Variants in TDRD9 observed in about 807,000 individuals in gnomAD.
The protein encoded by TDRD9 is ATP-dependent RNA helicase TDRD9.
TDRD9 carries 124 observed loss-of-function variants against 172.6 expected under a neutral mutation model. The observed-to-expected ratio is 0.72, with a 90% CI of 0.62 to 0.83. The LOEUF is 0.83. Ranked by LOEUF, TDRD9 falls within the 40% of genes least tolerant of loss-of-function variation. The pLI, the probability that TDRD9 is intolerant of heterozygous loss-of-function variation, is 0.00. For missense variants in TDRD9, 1,479 were observed against 1,714.1 expected (o/e 0.86, Z 2.42); for synonymous variants, 619 against 617.1 (o/e 1.00, Z -0.05).
At position 104,004,240 on chromosome 14, in the gene TDRD9, C is replaced by T. The variant is rs748229083; in HGVS notation, c.1486C>T (p.Arg496Cys). 10 of 1,561,448 alleles carry T rather than the reference C, an allele frequency of 6.4e-6. No individual in the cohort carries two copies. Among genetic ancestry groups the T allele is most frequent in the South Asian group, 1.2e-5 (1 of 85,096 alleles). ...GTTTGCACATCTCTCCTTTGAAGGC[C>T]GTGCTGGACGAGTGTCTAGAGGGTA... ...SKTSCNQRKG[R>C]AGRVSRGYCY... is the part of the protein sequence containing the mutation. The change falls in exon 14 of 36, where the codon CGT becomes TGT. Residue 496 changes from arginine (R) to cysteine (C), a missense_variant and splice_region_variant. Arg to Cys is a radical substitution (Grantham distance 180). Around this residue, in one of 3 missense-constraint regions of TDRD9, gnomAD observed 1,413 missense variants for 1,649.1 expected, o/e 0.86. Transcript: ENST00000409874.
At chr14:103,966,196 T>C (rs2032738630) in intron 4 of TDRD9, among the ~76,000 whole-genome samples, 2 of 151,828 alleles carry the variant, frequency 1.3e-5, no homozygotes, top group African/African-American at 4.8e-5. Flanking sequence ...CCAGGCATGA[T>C]GGCACATGCC....
At chr14:104,041,781 A>G (rs2035617937) in intron 33 of TDRD9, among the ~76,000 whole-genome samples, 1 of 152,214 alleles carries the variant, frequency 6.6e-6, no homozygotes. Flanking sequence ...AGACAGTTTC[A>G]TATGAAGTTA....
chr14:104,008,773 G>A (rs1595980805), intron 20 of TDRD9, among the ~76,000 whole-genome samples: 6 of 152,298 alleles, frequency 3.9e-5, no homozygotes, highest in South Asian at 4.1e-4. Context: ...AAGAGATTGG[G>A]TGTCGTGGCT....
intron 7 of TDRD9, among the ~76,000 whole-genome samples, chr14:103,985,615 T>A (rs2033632531): frequency 1.3e-5 from 2 of 152,118 alleles, no homozygotes; most frequent in Non-Finnish European, 2.9e-5. Context: ...AGGGGCAAGT[T>A]TACATTATCT....
chr14:103,986,824 T>C (rs2033676475), intron 8 of TDRD9, among the ~76,000 whole-genome samples: 1 of 152,174 alleles, frequency 6.6e-6, no homozygotes, highest in African/African-American at 2.4e-5. Context: ...GTTTATAATT[T>C]TAAAAATATG....
chr14:104,048,872 TC>T, intron 34 of TDRD9, among the ~76,000 whole-genome samples: 1 of 152,170 alleles, frequency 6.6e-6, no homozygotes, highest in Non-Finnish European at 1.5e-5. Flanking sequence ...TGAGGATTTT[TC>T]CCCCTCTGAT....
chr14:103,978,183 A>ATT (rs72582171), intron 7 of TDRD9, among the ~76,000 whole-genome samples: 7 of 149,518 alleles, frequency 4.7e-5, no homozygotes, highest in African/African-American at 1.5e-4. Context: ...GAATTTTAGG[A>ATT]TTTTTTTTTT....
chr14:103,958,753 CTT>C (rs2032365219), intron 2 of TDRD9, among the ~76,000 whole-genome samples: 3 of 152,214 alleles, frequency 2.0e-5, no homozygotes, highest in African/African-American at 7.2e-5. Context: ...ATGCCAACAC[CTT>C]GTCCTTCTCA....
chr14:103,964,446 A>G (rs2032645399), intron 3 of TDRD9, among the ~76,000 whole-genome samples: 1 of 152,212 alleles, frequency 6.6e-6, no homozygotes, highest in African/African-American at 2.4e-5. Flanking sequence ...GAAGCAGTTG[A>G]GACCCAGGAA....
chr14:103,928,547 G>T lies in TDRD9; in HGVS notation c.38G>T (p.Trp13Leu). ...RKLTIEQIND[W>L]FTIGKTVTNV... ...CTCACCATCGAGCAGATCAACGACT[G>T]GTTCACCATCGGCAAGACGGTGACC... The change falls in exon 1 of 36, where the codon TGG becomes TTG. Residue 13 changes from tryptophan to leucine, a missense_variant. Coordinates refer to ENST00000409874, the MANE Select transcript of TDRD9 (RefSeq NM_153046.3). 1 of 1,392,938 alleles carries T rather than the reference G, an allele frequency of 7.2e-7. No homozygotes were observed. Among genetic ancestry groups the T allele is most frequent in the Non-Finnish European group, 9.4e-7 (1 of 1,061,182 alleles). 86.3% of individuals were successfully genotyped at this position (1,392,938 alleles called of 1,614,324 possible). A position where few individuals can be genotyped will look rare whatever the true frequency, so the allele number is the denominator to read the frequency against.
intron 12 of TDRD9, among the ~76,000 whole-genome samples, chr14:103,998,260 A>G (rs2152207971): frequency 6.7e-6 from 1 of 148,262 alleles, no homozygotes; most frequent in East Asian, 2.1e-4. Flanking sequence ...GCACACACAG[A>G]CGCGGGATTT....
Position 104,013,097 on chromosome 14 carries a change from C to T in TDRD9, c.2107-1628C>T, listed in dbSNP as rs2034666379. Among the ~76,000 whole-genome samples, 4 of 152,170 alleles carry T rather than the reference C, an allele frequency of 2.6e-5. 1 individual carries two copies. In the South Asian group the frequency reaches 8.3e-4, roughly 32 times the overall value. On this transcript the variant is annotated intron_variant, in intron 20 of 35. Transcript: ENST00000409874. ...TTCCCATGTCCCAGGCTTTTCCTCC[C>T]TCCACAGAGATAGTGGCTGCTGAGT...
chr14:104,025,972 T>C, intron 26 of TDRD9, 75 bp from the exon 27 acceptor site: 1 of 1,050,984 alleles, frequency 9.5e-7, no homozygotes, highest in South Asian at 1.3e-5. Context: ...TAGAGCAGAC[T>C]GCTGCATTGC....
At chr14:104,005,150 C>A in intron 14 of TDRD9, 124 bp from the exon 15 acceptor site, 1 of 884,198 alleles carries the variant, frequency 1.1e-6, no homozygotes, top group Non-Finnish European at 1.7e-6. Context: ...TCAATCCTCT[C>A]CATTTTTCTT....
intron 1 of TDRD9, among the ~76,000 whole-genome samples, chr14:103,937,857 CTT>C (rs11319552): frequency 6.7e-6 from 1 of 149,820 alleles, no homozygotes; most frequent in African/African-American, 2.5e-5. Flanking sequence ...TGTTGATTTT[CTT>C]TTTTTTTTAA....
intron 34 of TDRD9, among the ~76,000 whole-genome samples, chr14:104,048,700 C>A (rs371603590): frequency 4.6e-5 from 7 of 152,170 alleles, no homozygotes; most frequent in Admixed American, 4.6e-4. Flanking sequence ...GCCTGCTCCC[C>A]CTCTGTGGCA....
intron 13 of TDRD9, 91 bp downstream of exon 13, chr14:103,998,819 G>A: frequency 1.5e-6 from 1 of 669,210 alleles, no homozygotes; most frequent in East Asian, 2.7e-5. Flanking sequence ...CTGAGACGGA[G>A]TCTTGCTCTG....
chr14:103,969,996 C>A (rs1221293196), intron 5 of TDRD9, among the ~76,000 whole-genome samples: 1 of 152,188 alleles, frequency 6.6e-6, no homozygotes, highest in East Asian at 1.9e-4. Context: ...ACTGACCCAG[C>A]TTTTCCAGGA....
chr14:104,051,946 C>T, intron 35 of TDRD9, 35 bp from the exon 36 acceptor site: 8 of 1,450,458 alleles, frequency 5.5e-6, no homozygotes, highest in Non-Finnish European at 7.6e-6. Flanking sequence ...AGCCCTGTCA[C>T]AGAGCCTGAC....
Sources: gnomAD v4.1 joint callset for allele counts (sites outside exome capture counted in the v4.1 genomes callset) on GRCh38, gnomAD v4.1.1 for gene constraint, gnomAD v4.1.1 regional missense constraint, MANE v1.5 for transcripts, NCBI Gene and HGNC (gene_info 2026-07-23, HGNC 2026-07-21) for gene names.